Variants in MAGI2 observed in about 807,000 individuals in gnomAD.
MAGI2 encodes the protein membrane-associated guanylate kinase, WW and PDZ domain-containing protein 2.
Under a neutral mutation model 133.3 loss-of-function variants are expected in MAGI2, and 35 were observed. That is an observed-to-expected ratio of 0.26 (90% CI 0.20 to 0.35). The LOEUF (loss-of-function observed/expected upper bound fraction) is 0.35, where lower values mean the gene tolerates loss of function less well. Ranked by LOEUF, MAGI2 falls within the 10% of genes least tolerant of loss-of-function variation. The pLI is 1.00. For missense variants in MAGI2, 1,636 were observed against 1,863.4 expected (o/e 0.88, Z 2.25); for synonymous variants, 729 against 710.6 (o/e 1.03, Z -0.41).
At position 78,256,034 on chromosome 7, in the gene MAGI2, C is replaced by T; in HGVS notation, c.1956G>A (p.Gln652=). The part of the protein sequence containing the change: ...EGDLIVEINQ[Q]NVQNLSHTEV... ...CTGTATGGCTCAGGTTCTGTACATT[C>T]TGCTGGTTGATCTCAACAATGAGGT... Residue 652 remains glutamine, a synonymous_variant, in exon 10 of 22, where the codon CAG becomes CAA. Transcript: ENST00000354212. 6.2e-7 allele frequency: 1 copy of T among 1,613,624 alleles called. No individual in the cohort carries two copies. Among genetic ancestry groups the T allele is most frequent in the Non-Finnish European group, 8.5e-7 (1 of 1,179,876 alleles).
chr7:78,689,059 C>A (rs1816681389), intron 2 of MAGI2, among the ~76,000 whole-genome samples: 1 of 152,102 alleles, frequency 6.6e-6, no homozygotes, highest in Non-Finnish European at 1.5e-5. Flanking sequence ...CTAGAAATAT[C>A]TTTGGAATTA....
intron 1 of MAGI2, among the ~76,000 whole-genome samples, chr7:79,136,023 A>AGG: frequency 7.7e-6 from 1 of 129,670 alleles, no homozygotes; most frequent in African/African-American, 3.5e-5. Context: ...GAAAGAAAGA[A>AGG]AGAAGGAAAG....
chr7:78,196,999 T>C (rs1340306288), intron 11 of MAGI2, among the ~76,000 whole-genome samples: 2 of 152,252 alleles, frequency 1.3e-5, no homozygotes, highest in African/African-American at 2.4e-5. Flanking sequence ...TAATTGTTTA[T>C]ATAATATCAC....
intron 2 of MAGI2, among the ~76,000 whole-genome samples, chr7:78,819,407 G>C (rs1182873358): frequency 6.6e-6 from 1 of 152,020 alleles, no homozygotes; most frequent in Non-Finnish European, 1.5e-5. Context: ...GATGTCCTAA[G>C]GGCATGGAAT....
At chr7:78,037,323 C>A (rs2151076329) in intron 21 of MAGI2, among the ~76,000 whole-genome samples, 1 of 152,302 alleles carries the variant, frequency 6.6e-6, no homozygotes, top group Admixed American at 6.5e-5. Flanking sequence ...GCTGAGGATG[C>A]AGAAAACCTT....
intron 1 of MAGI2, among the ~76,000 whole-genome samples, chr7:79,113,546 T>C (rs1410431143): frequency 6.6e-6 from 1 of 152,216 alleles, no homozygotes; most frequent in Admixed American, 6.5e-5. Context: ...CTTTGAAAGA[T>C]GTGATATGAT....
chr7:78,452,732 C>G (rs565046859), intron 6 of MAGI2, among the ~76,000 whole-genome samples: 2 of 150,866 alleles, frequency 1.3e-5, no homozygotes, highest in East Asian at 3.9e-4. Context: ...TACCAAGTAC[C>G]AGGTACACAG....
chr7:78,427,225 G>C (rs1465617487), intron 6 of MAGI2, among the ~76,000 whole-genome samples: 1 of 151,892 alleles, frequency 6.6e-6, no homozygotes, highest in Non-Finnish European at 1.5e-5. Context: ...CAAAATAAGA[G>C]ATCTAATTCC....
At chr7:79,168,089 T>C (rs571964847) in intron 1 of MAGI2, among the ~76,000 whole-genome samples, 42 of 152,256 alleles carry the variant, frequency 2.8e-4, no homozygotes, top group Non-Finnish European at 4.6e-4. Context: ...GTTAATCGAA[T>C]ATCTATAGAA....
chr7:79,314,307 C>T (rs1478123396), intron 1 of MAGI2, among the ~76,000 whole-genome samples: 2 of 150,354 alleles, frequency 1.3e-5, no homozygotes, highest in East Asian at 3.9e-4. Flanking sequence ...CGGGGTTTCA[C>T]CATGTTGGCC....
chr7:78,341,891 T>C (rs1790417060), intron 9 of MAGI2, among the ~76,000 whole-genome samples: 2 of 152,164 alleles, frequency 1.3e-5, no homozygotes, highest in South Asian at 2.1e-4. Context: ...ATTCAGGACA[T>C]AGGCATGGGC....
intron 2 of MAGI2, among the ~76,000 whole-genome samples, chr7:78,748,402 A>G (rs1268950441): frequency 2.0e-5 from 3 of 152,206 alleles, no homozygotes; most frequent in Non-Finnish European, 4.4e-5. Context: ...TAAGATCCTC[A>G]TCAAATTGCT....
intron 9 of MAGI2, among the ~76,000 whole-genome samples, chr7:78,300,126 T>A (rs1797704628): frequency 6.6e-6 from 1 of 152,162 alleles, no homozygotes; most frequent in Non-Finnish European, 1.5e-5. Flanking sequence ...ATCACAGACA[T>A]TTTTATATTA....
intron 1 of MAGI2, among the ~76,000 whole-genome samples, chr7:79,230,697 T>C (rs1263789455): frequency 6.6e-6 from 1 of 152,040 alleles, no homozygotes; most frequent in Non-Finnish European, 1.5e-5. Flanking sequence ...TATTAGCCCT[T>C]TGTCAGATGA....
intron 2 of MAGI2, among the ~76,000 whole-genome samples, chr7:78,777,213 A>G (rs1199264745): frequency 1.3e-5 from 2 of 152,220 alleles, no homozygotes; most frequent in Admixed American, 6.5e-5. Flanking sequence ...CTCTAGTCTT[A>G]ACTAACCAGC....
intron 2 of MAGI2, among the ~76,000 whole-genome samples, chr7:78,696,625 A>G (rs1049345278): frequency 2.0e-5 from 3 of 152,202 alleles, no homozygotes; most frequent in African/African-American, 7.2e-5. Flanking sequence ...ACACATTTTA[A>G]CAAAAAGTAA....
chr7:78,766,430 AGCT>A (rs1342198525), intron 2 of MAGI2, among the ~76,000 whole-genome samples: 1 of 152,170 alleles, frequency 6.6e-6, no homozygotes, highest in East Asian at 1.9e-4. Context: ...TAAGTTGAGT[AGCT>A]GGCTCTGGAA....
chr7:79,104,948 T>C (rs866199389), intron 1 of MAGI2, among the ~76,000 whole-genome samples: 8 of 152,200 alleles, frequency 5.3e-5, no homozygotes, highest in African/African-American at 1.9e-4. Context: ...ACCTCCTGTC[T>C]TTTAAATCCT....
chr7:78,566,731 A>G (rs1800983732), intron 3 of MAGI2, among the ~76,000 whole-genome samples: 1 of 152,190 alleles, frequency 6.6e-6, no homozygotes, highest in Non-Finnish European at 1.5e-5. Flanking sequence ...TACTCTTTTC[A>G]ATCCTTATCT....
Sources: gnomAD v4.1 joint callset for allele counts (sites outside exome capture counted in the v4.1 genomes callset) on GRCh38, gnomAD v4.1.1 for gene constraint, MANE v1.5 for transcripts, NCBI Gene and HGNC (gene_info 2026-07-23, HGNC 2026-07-21) for gene names.